OR7E24: variants seen among roughly 807,000 people sequenced by gnomAD.
OR7E24 encodes the protein olfactory receptor family 7 subfamily E member 24.
For synonymous variants in OR7E24, 130 were observed against 157.5 expected, an observed-to-expected ratio of 0.83 and a Z score of 1.31; for missense variants, 385 against 410.3, an observed-to-expected ratio of 0.94 and a Z score of 0.53.
At chr19:9,216,121 T>A in the OR7E24 span, among the ~76,000 whole-genome samples, 1 of 152,124 alleles carries the variant, frequency 6.6e-6, no homozygotes, top group Non-Finnish European at 1.5e-5. Flanking sequence ...GAAAGACCTG[T>A]CTCCATGATT....
the OR7E24 span, chr19:9,213,962 C>T: frequency 6.2e-7 from 1 of 1,614,164 alleles, no homozygotes; most frequent in Middle Eastern, 1.6e-4. Context: ...CCTTGTTCCT[C>T]AGGCTGTAGA....
the OR7E24 span, among the ~76,000 whole-genome samples, chr19:9,227,752 T>C: frequency 7.2e-5 from 10 of 139,474 alleles, no homozygotes; most frequent in African/African-American, 2.7e-4. Context: ...GGTATTTCTT[T>C]TTTTTTTTTT....
the OR7E24 span, among the ~76,000 whole-genome samples, chr19:9,232,192 C>G: frequency 1.3e-5 from 2 of 151,978 alleles, no homozygotes; most frequent in African/African-American, 2.4e-5. Flanking sequence ...GGGGGCCAGG[C>G]GTGTTCAACA....
chr19:9,249,206 G>T (rs1050954012), upstream of OR7E24, among the ~76,000 whole-genome samples: 7 of 152,144 alleles, frequency 4.6e-5, no homozygotes, highest in African/African-American at 1.7e-4. Flanking sequence ...CCTTATATAA[G>T]TAAGTACTGA....
At chr19:9,228,216 TG>T in the OR7E24 span, among the ~76,000 whole-genome samples, 2 of 152,210 alleles carry the variant, frequency 1.3e-5, no homozygotes, top group Non-Finnish European at 2.9e-5. Flanking sequence ...CCATTCTCAC[TG>T]TCCACCCTTG....
chr19:9,225,449 A>AGAGGGAGG, the OR7E24 span, among the ~76,000 whole-genome samples: 1 of 131,362 alleles, frequency 7.6e-6, no homozygotes, highest in South Asian at 2.8e-4. Context: ...GAAAGAAAAG[A>AGAGGGAGG]GAGGGAGGGA....
At chr19:9,214,703 G>C in the OR7E24 span, 1 of 1,614,004 alleles carries the variant, frequency 6.2e-7, no homozygotes, top group Non-Finnish European at 8.5e-7. Flanking sequence ...CGGCCAGAAT[G>C]ATGAGCAGGT....
the OR7E24 span, among the ~76,000 whole-genome samples, chr19:9,221,692 G>A: frequency 6.6e-6 from 1 of 151,998 alleles, no homozygotes; most frequent in Non-Finnish European, 1.5e-5. Flanking sequence ...TCTTCCTACT[G>A]AGTTGTTTGA....
At chr19:9,249,274 T>G (rs1475470185), upstream of OR7E24, among the ~76,000 whole-genome samples, 1 of 152,176 alleles carries the variant, frequency 6.6e-6, no homozygotes, top group Non-Finnish European at 1.5e-5. Flanking sequence ...AGCCTGTATC[T>G]TGCTTGGTAC....
Position 9,251,253 on chromosome 19 carries a change from C to G in OR7E24, c.210C>G (p.Asp70Glu). ...TCATCATCCTGGCTGTCAGCTCTGA[C>G]TCCCACCTCCACACCCCCATGTACT... ...NLLIILAVSSDSHLHTPMYFF... is the reference protein window; with the variant it reads ...NLLIILAVSSESHLHTPMYFF... The change falls in exon 1 of 1, where the codon GAC becomes GAG. Residue 70 changes from aspartate (D) to glutamate (E), a missense_variant. By Grantham distance (45) the Asp-to-Glu change is conservative. Coordinates refer to ENST00000456448, the MANE Select transcript of OR7E24 (RefSeq NM_001079935.2). 6.2e-7 allele frequency: 1 copy of G among 1,613,932 alleles called. No homozygotes were observed. The highest frequency in any genetic ancestry group is 2.2e-5 in the East Asian group (1 of 44,866).
rs1300313765 is a variant in OR7E24 at position 9,252,554 on chromosome 19, CCTCCCTTT to C, written c.*494_*501del. On this transcript the variant is annotated 3_prime_UTR_variant, in exon 1 of 1. Coordinates refer to ENST00000456448, the MANE Select transcript of OR7E24 (RefSeq NM_001079935.2). Reference sequence around the variant, plus strand: ...GAGGACTTATCGTACTTCGTATTTACCTCCCTTTCTACAGTTCCTGTGTAATTTCTGTC... The same window carrying C: ...GAGGACTTATCGTACTTCGTATTTACCTACAGTTCCTGTGTAATTTCTGTC... 6.4e-6 allele frequency: 1 copy of C among 155,082 alleles called. No individual in the cohort carries two copies. Among genetic ancestry groups the C allele is most frequent in the Non-Finnish European group, 1.4e-5 (1 of 70,012 alleles). The allele number at this position is 155,082 out of a possible 1,614,324, so 9.6% of individuals were successfully genotyped here.
At chr19:9,237,225 T>C in the OR7E24 span, among the ~76,000 whole-genome samples, 1 of 152,126 alleles carries the variant, frequency 6.6e-6, no homozygotes, top group Non-Finnish European at 1.5e-5. Flanking sequence ...TTCCCTTCTA[T>C]CCTTCCTCCT....
the OR7E24 span, among the ~76,000 whole-genome samples, chr19:9,234,174 T>A: frequency 6.6e-6 from 1 of 152,196 alleles, no homozygotes; most frequent in Non-Finnish European, 1.5e-5. Flanking sequence ...GGTGGTGGGA[T>A]TACAGGCGTG....
the OR7E24 span, chr19:9,214,383 A>G: frequency 1.2e-6 from 2 of 1,614,154 alleles, no homozygotes; most frequent in Non-Finnish European, 1.7e-6. Context: ...GAACCAGAAA[A>G]TGATGAACCA....
At chr19:9,238,220 C>A in the OR7E24 span, among the ~76,000 whole-genome samples, 1 of 151,596 alleles carries the variant, frequency 6.6e-6, no homozygotes, top group African/African-American at 2.4e-5. Context: ...TTGCAGTGAG[C>A]CAAGATTGCA....
Position 9,251,833 on chromosome 19 carries a change from G to C in OR7E24, c.790G>C (p.Ala264Pro), listed in dbSNP as rs768120795. Residue 264 changes from alanine to proline, a missense_variant, in exon 1 of 1, where the codon GCA becomes CCA. By Grantham distance (27) the Ala-to-Pro change is conservative. Transcript: ENST00000456448. ...KAFSTCGSHL[A>P]VVCLFYGTGL... ...CTTCTCCACCTGTGGCTCTCACCTG[G>C]CAGTTGTTTGCTTATTTTATGGAAC... is the stretch of plus-strand genomic sequence containing the variant. 3 of 1,613,672 alleles carry C rather than the reference G, an allele frequency of 1.9e-6. No individual in the cohort carries two copies. Among genetic ancestry groups the C allele is most frequent in the East Asian group, 4.5e-5 (2 of 44,900 alleles).
At chr19:9,250,524 G>GA (rs1207899990), upstream of OR7E24, among the ~76,000 whole-genome samples, 8 of 152,202 alleles carry the variant, frequency 5.3e-5, no homozygotes, top group Admixed American at 5.2e-4. Flanking sequence ...GAAAACGTAA[G>GA]AATGATGGAA....
the OR7E24 span, among the ~76,000 whole-genome samples, chr19:9,218,211 G>T: frequency 1.3e-5 from 2 of 152,110 alleles, no homozygotes. Flanking sequence ...ACACAAAATA[G>T]AAATCTTCAA....
At position 9,252,151 on chromosome 19, in the gene OR7E24, C is replaced by G; in HGVS notation, c.*88C>G. 9.2e-7 allele frequency: 1 copy of G among 1,092,546 alleles called. No homozygotes were observed. The highest frequency in any genetic ancestry group is 1.5e-5 in the South Asian group (1 of 64,636). The allele number at this position is 1,092,546 out of a possible 1,614,324, so 67.7% of individuals were successfully genotyped here. The stretch of plus-strand genomic sequence containing the variant: ...GTTGCTTGATGGCTTTCATTCCTCT[C>G]TGGGTTTCGTATGTGAATATTGCTT... On this transcript the variant is annotated 3_prime_UTR_variant, in exon 1 of 1. Coordinates refer to ENST00000456448, the MANE Select transcript of OR7E24 (RefSeq NM_001079935.2).
Sources: gnomAD v4.1 joint callset for allele counts (sites outside exome capture counted in the v4.1 genomes callset) on GRCh38, gnomAD v4.1.1 for gene constraint, MANE v1.5 for transcripts, NCBI Gene and HGNC (gene_info 2026-07-23, HGNC 2026-07-21) for gene names.